DNMT3A: variants seen among roughly 807,000 people sequenced by gnomAD.
DNMT3A encodes DNA (cytosine-5)-methyltransferase 3A.
In DNMT3A, 267 loss-of-function variants were observed where a neutral mutation model predicts 117.6. That is an observed-to-expected ratio of 2.27 (90% confidence interval 2.05 to 2.51). The LOEUF is 2.51. DNMT3A is among the 30% of genes most tolerant of loss of function. The pLI, the probability that DNMT3A is intolerant of heterozygous loss-of-function variation, is 0.00. For synonymous variants in DNMT3A, 432 were observed against 474.8 expected (o/e 0.91, Z 1.17); for missense variants, 1,029 against 1,260.2 (o/e 0.82, Z 2.78).
chr2:25,342,050 T>C (rs2035483860), upstream of DNMT3A: 1 of 559,954 alleles, frequency 1.8e-6, no homozygotes. This position sits in a 1 kb window ranked among gnomAD's most constrained non-coding sequence, Gnocchi z 5.9. Flanking sequence ...CTCTCCGCCT[T>C]CCTCCTTCCC....
chr2:25,288,078 C>T (rs986712698), intron 3 of DNMT3A, among the ~76,000 whole-genome samples: 2 of 150,362 alleles, frequency 1.3e-5, no homozygotes, highest in South Asian at 4.2e-4. Context: ...TCAGGTGATC[C>T]ACCCACCTCA....
Position 25,298,050 on chromosome 2 carries a change from G to A in DNMT3A, c.177+2089C>T, listed in dbSNP as rs1223105733. Among the ~76,000 whole-genome samples the A allele has an allele frequency of 6.6e-6, 1 of 152,248 alleles. No homozygotes were observed. Among genetic ancestry groups the A allele is most frequent in the Non-Finnish European group, 1.5e-5 (1 of 68,042 alleles). ...GGCGGGGGCAGGCCCGACCTTTGCT[G>A]AGGCTCCTTGGTGCTTGCACCATTT... On this transcript the variant is annotated intron_variant, in intron 3 of 22. Transcript: ENST00000321117. The surrounding 1 kb of genome is among the most constrained non-coding windows in gnomAD (Gnocchi z 4.3).
rs1482043181 is a variant in DNMT3A, at chr2:25,230,197, T to G, written c.*4082A>C. On this transcript the variant is annotated 3_prime_UTR_variant, in exon 23 of 23. Coordinates refer to ENST00000321117, the MANE Select transcript of DNMT3A (RefSeq NM_022552.5). ...AGACAAAAGGACAGCAACAGATTCATGTCATCATCTATGGACTGCAGACCC... is the reference window on the plus strand; with the variant it reads ...AGACAAAAGGACAGCAACAGATTCAGGTCATCATCTATGGACTGCAGACCC... 6.6e-6 allele frequency: 1 copy of G among 152,260 alleles called. No individual in the cohort carries two copies. Among genetic ancestry groups the G allele is most frequent in the Non-Finnish European group, 1.5e-5 (1 of 68,044 alleles). The allele number at this position is 152,260 out of a possible 1,614,324, so 9.4% of individuals were successfully genotyped here. A position where few individuals can be genotyped will look rare whatever the true frequency, so the allele number is the denominator to read the frequency against.
intron 3 of DNMT3A, among the ~76,000 whole-genome samples, chr2:25,290,482 C>A (rs1323548281): frequency 6.6e-6 from 1 of 152,130 alleles, no homozygotes; most frequent in Non-Finnish European, 1.5e-5. Flanking sequence ...CCACCACATC[C>A]AGCTAATTTT....
intron 6 of DNMT3A, among the ~76,000 whole-genome samples, chr2:25,256,901 G>A (rs1248171178): frequency 6.6e-6 from 1 of 152,200 alleles, no homozygotes; most frequent in African/African-American, 2.4e-5. Context: ...GAAGCAGTGT[G>A]GGCTAGAGCA....
At chr2:25,255,068 C>T (rs1675999495) in intron 6 of DNMT3A, among the ~76,000 whole-genome samples, 2 of 152,198 alleles carry the variant, frequency 1.3e-5, no homozygotes, top group Admixed American at 6.5e-5. Context: ...CTTAACAACC[C>T]AGAGCATCTT....
At position 25,334,357 on chromosome 2, in the gene DNMT3A, G is replaced by A. The variant is rs540218514; in HGVS notation, c.-178+7469C>T. 2.4e-4 allele frequency among the ~76,000 whole-genome samples: 36 copies of A among 152,264 alleles called. No homozygotes were observed. The East Asian group carries it at 5.2e-3, about 22-fold the overall frequency. Reference sequence around the variant, plus strand: ...ACCCCTAGATCAGAGTTGAACCCACGTGCCAAGCAAGTTCCTAGACACCCC... The same window carrying A: ...ACCCCTAGATCAGAGTTGAACCCACATGCCAAGCAAGTTCCTAGACACCCC... On this transcript the variant is annotated intron_variant, in intron 1 of 22. Coordinates refer to ENST00000321117, the MANE Select transcript of DNMT3A (RefSeq NM_022552.5).
At chr2:25,338,841 G>A (rs766634561) in intron 1 of DNMT3A, among the ~76,000 whole-genome samples, 1 of 152,194 alleles carries the variant, frequency 6.6e-6, no homozygotes, top group African/African-American at 2.4e-5. Context: ...CACTGGCAGA[G>A]GTGGGTGTGA....
chr2:25,300,714 T>TATA (rs2033421667), intron 2 of DNMT3A, among the ~76,000 whole-genome samples: 2 of 4,020 alleles, frequency 5.0e-4, no homozygotes, highest in Non-Finnish European at 1.1e-3. Flanking sequence ...AATAATATAA[T>TATA]ATATATATAT....
At position 25,234,388 on chromosome 2, in the gene DNMT3A, AC is replaced by A; in HGVS notation, c.2629del (p.Val877SerfsTer4). 1 of 1,613,976 alleles carries A rather than the reference AC, an allele frequency of 6.2e-7. No homozygotes were observed. The highest frequency in any genetic ancestry group is 8.5e-7 in the Non-Finnish European group (1 of 1,179,960). ...VFGFPVHYTDVSNMSRLARQR... is the reference protein window; with the variant it reads ...VFGFPVHYTDXSNMSRLARQR... ...CCTCGCCAAGCGGCTCATGTTGGAG[AC>A]GTCAGTATAGTGGACTGGGAAACCA... is the stretch of plus-strand genomic sequence containing the variant. On this transcript the variant is annotated frameshift_variant, in exon 23 of 23. Coordinates refer to ENST00000321117, the MANE Select transcript of DNMT3A (RefSeq NM_022552.5). LOFTEE classifies it high-confidence loss of function. The surrounding 1 kb of genome is among the most constrained non-coding windows in gnomAD (Gnocchi z 4.5).
chr2:25,305,418 G>T lies in DNMT3A; in HGVS notation c.73-5175C>A, dbSNP rs1195103559. 6.6e-6 allele frequency among the ~76,000 whole-genome samples: 1 copy of T among 152,188 alleles called. No homozygotes were observed. The highest frequency in any genetic ancestry group is 1.5e-5 in the Non-Finnish European group (1 of 68,034). On this transcript the variant is annotated intron_variant, in intron 2 of 22. Coordinates refer to ENST00000321117, the MANE Select transcript of DNMT3A (RefSeq NM_022552.5). The surrounding 1 kb of genome is among the most constrained non-coding windows in gnomAD (Gnocchi z 4.1). ...GCCATATACAACGTCTCATTCTGAT[G>T]CGCTGGGCTATGACGATAATAATCT...
intron 3 of DNMT3A, among the ~76,000 whole-genome samples, chr2:25,299,880 G>A (rs746260655): frequency 3.9e-5 from 6 of 152,116 alleles, no homozygotes; most frequent in African/African-American, 7.2e-5. Context: ...GCAGTAAGCC[G>A]AGATCACGCC....
intron 6 of DNMT3A, among the ~76,000 whole-genome samples, chr2:25,270,740 G>T (rs1001294107): frequency 9.9e-5 from 15 of 152,162 alleles, no homozygotes; most frequent in African/African-American, 3.1e-4. Flanking sequence ...AGGTGGGGAG[G>T]AACCTGCAGC....
At chr2:25,323,768 T>C (rs1264891646) in intron 1 of DNMT3A, among the ~76,000 whole-genome samples, 1 of 152,236 alleles carries the variant, frequency 6.6e-6, no homozygotes, top group Non-Finnish European at 1.5e-5. Flanking sequence ...TCCTCCGACA[T>C]GCCAGGCCCC....
intron 6 of DNMT3A, among the ~76,000 whole-genome samples, chr2:25,265,918 T>C (rs1427043468): frequency 6.6e-6 from 1 of 152,130 alleles, no homozygotes. Context: ...AGGTGCTCAG[T>C]GAAGTTCAAC....
rs377009485 is a variant in DNMT3A at position 25,323,198 on chromosome 2, A to C, written c.-177-9037T>G. Among the ~76,000 whole-genome samples the C allele has an allele frequency of 2.6e-5, 4 of 152,132 alleles. No individual in the cohort carries two copies. In the East Asian group the frequency reaches 7.7e-4, roughly 29 times the overall value. ...GATGCTAACATGGTCGATGTGAGTC[A>C]GGGGCTGCCAGCTGCTGTCTTCCCG... On this transcript the variant is annotated intron_variant, in intron 1 of 22. Coordinates refer to ENST00000321117, the MANE Select transcript of DNMT3A (RefSeq NM_022552.5).
chr2:25,263,763 C>T (rs1174767819), intron 6 of DNMT3A, among the ~76,000 whole-genome samples: 3 of 152,206 alleles, frequency 2.0e-5, no homozygotes, highest in South Asian at 2.1e-4. Context: ...ATTTCTTTGA[C>T]CACCTCCCTT....
In DNMT3A at chr2:25,234,475, C is replaced by CT; in HGVS notation, c.2598-56_2598-55insA. 1 of 1,561,946 alleles carries CT rather than the reference C, an allele frequency of 6.4e-7. No homozygotes were observed. The highest frequency in any genetic ancestry group is 8.7e-7 in the Non-Finnish European group (1 of 1,149,036). On this transcript the variant is annotated intron_variant, in intron 22 of 22. Coordinates refer to ENST00000321117, the MANE Select transcript of DNMT3A (RefSeq NM_022552.5). This position sits in a 1 kb window ranked among gnomAD's most constrained non-coding sequence, Gnocchi z 4.5. ...TGAGTGCTGGCCAGACCAGGCTGCC[C>CT]GGAAGCCGTCTAACCACACAGCAGG...
chr2:25,327,311 C>T lies in DNMT3A; in HGVS notation c.-177-13150G>A, dbSNP rs12987103. On this transcript the variant is annotated intron_variant, in intron 1 of 22. Transcript: ENST00000321117. The surrounding 1 kb of genome is among the most constrained non-coding windows in gnomAD (Gnocchi z 4.1). ...GGACCCTGACTGATACAGTCACCCG[C>T]GGCCCCAAAGGGCTTTTTTCCATCC... Among the ~76,000 whole-genome samples, 62,190 of 152,030 alleles carry T rather than the reference C, an allele frequency of 0.41. 12,951 individuals carry two copies. Among genetic ancestry groups the T allele is most frequent in the Non-Finnish European group, 0.43 (29,037 of 67,962 alleles).
Sources: gnomAD v4.1 joint callset for allele counts (sites outside exome capture counted in the v4.1 genomes callset) on GRCh38, gnomAD v4.1.1 for gene constraint, Gnocchi (gnomAD v3.1) non-coding constraint, MANE v1.5 for transcripts, NCBI Gene and HGNC (gene_info 2026-07-23, HGNC 2026-07-21) for gene names.